MTMR3: variants seen among roughly 807,000 people sequenced by gnomAD.
MTMR3 encodes the protein myotubularin related protein 3.
MTMR3 carries 32 observed loss-of-function variants against 132.4 expected under a neutral mutation model. That is an observed-to-expected ratio of 0.24 (90% CI 0.18 to 0.32). MTMR3 has a LOEUF of 0.32. Among genes scored for constraint, MTMR3 ranks in the 10% least tolerant of loss-of-function variants. The pLI is 1.00. For synonymous variants in MTMR3, 556 were observed against 550.3 expected, an observed-to-expected ratio of 1.01 and a Z score of -0.14; for missense variants, 1,216 against 1,489.6, an observed-to-expected ratio of 0.82 and a Z score of 3.02.
intron 14 of MTMR3, 103 bp from the exon 15 acceptor site, chr22:30,016,425 T>C (rs1384261689): frequency 9.9e-6 from 13 of 1,317,766 alleles, no homozygotes; most frequent in Non-Finnish European, 1.4e-5. Context: ...CAGAGTAAAT[T>C]GAAGTGTTCT....
intron 1 of MTMR3, among the ~76,000 whole-genome samples, chr22:29,883,690 C>T (rs1001233397): frequency 6.6e-6 from 1 of 152,172 alleles, no homozygotes; most frequent in African/African-American, 2.4e-5. Context: ...GTGGGACGTA[C>T]CCTCGGAGCG....
chr22:29,924,154 C>T (rs2065472152), intron 1 of MTMR3, among the ~76,000 whole-genome samples: 1 of 152,104 alleles, frequency 6.6e-6, no homozygotes. Context: ...AAGAGTCTTA[C>T]AGTTTTAGCT....
intron 1 of MTMR3, among the ~76,000 whole-genome samples, chr22:29,903,294 TC>T (rs2065034818): frequency 6.6e-6 from 1 of 152,160 alleles, no homozygotes; most frequent in Admixed American, 6.6e-5. Context: ...TTTTTGAGGT[TC>T]CAGTTCCAAC....
rs769743475 is a variant in MTMR3, at chr22:30,016,696, G to A, written c.1672G>A (p.Ala558Thr). The A allele has an allele frequency of 1.1e-4, 174 of 1,611,978 alleles. No homozygotes were observed. Among genetic ancestry groups the A allele is most frequent in the Middle Eastern group, 3.3e-4 (2 of 6,076 alleles). The change falls in exon 15 of 20, where the codon GCC becomes ACC. Residue 558 changes from alanine to threonine, a missense_variant and splice_region_variant. Ala to Thr is a moderately conservative substitution (Grantham distance 58). Transcript: ENST00000401950. ...KNLLYSSQSE[A>T]VLYPVCHVRN... is the part of the protein sequence containing the mutation. ...CCTACTGTATTCCTCTCAGTCAGAA[G>A]CCGTATGTATCCTTCAGCCTTTCCA...
intron 5 of MTMR3, chr22:29,982,591 A>G (rs573527407): frequency 6.6e-6 from 1 of 152,312 alleles, no homozygotes; most frequent in East Asian, 1.9e-4. Context: ...TGTATGCTTA[A>G]ATCAAAATAC....
intron 5 of MTMR3, chr22:29,981,253 T>C (rs1381840234): frequency 1.3e-5 from 2 of 152,214 alleles, no homozygotes; most frequent in Non-Finnish European, 2.9e-5. Flanking sequence ...GAATTGAAGT[T>C]AATGTGGGTT....
intron 1 of MTMR3, among the ~76,000 whole-genome samples, chr22:29,953,087 A>G (rs529951371): frequency 5.8e-4 from 88 of 152,320 alleles, no homozygotes; most frequent in Non-Finnish European, 8.7e-4. Context: ...AAAAAAATCT[A>G]TTTTAACAGC....
In MTMR3 at chr22:30,029,398, G is replaced by GCTAA. The variant is rs1208555404; in HGVS notation, c.*3600_*3603dup. 6.6e-6 allele frequency: 1 copy of GCTAA among 152,292 alleles called. No individual in the cohort carries two copies. The highest frequency in any genetic ancestry group is 2.4e-5 in the African/African-American group (1 of 41,416). The allele number at this position is 152,292 out of a possible 1,614,324, so 9.4% of individuals were successfully genotyped here. ...TTTCCTGTAATAATTTTGCTTATATGCTAACTCTTTTCATGTTAGCAAAGA... is the reference window on the plus strand; with the variant it reads ...TTTCCTGTAATAATTTTGCTTATATGCTAACTAACTCTTTTCATGTTAGCAAAGA... On this transcript the variant is annotated 3_prime_UTR_variant, in exon 20 of 20. Transcript: ENST00000401950.
intron 1 of MTMR3, among the ~76,000 whole-genome samples, chr22:29,918,842 A>ATAT (rs1396121363): frequency 3.3e-5 from 5 of 152,204 alleles, no homozygotes; most frequent in African/African-American, 1.2e-4. Context: ...GAAGGACAAA[A>ATAT]TATTATTTGC....
chr22:30,021,749 A>G (rs560752783), intron 17 of MTMR3: 135 of 384,586 alleles, frequency 3.5e-4, no homozygotes, highest in African/African-American at 2.5e-3. Context: ...TTCTCATTCC[A>G]TTTTGGTCAC....
At chr22:29,912,572 C>T (rs953195021) in intron 1 of MTMR3, among the ~76,000 whole-genome samples, 1 of 152,220 alleles carries the variant, frequency 6.6e-6, no homozygotes, top group African/African-American at 2.4e-5. Context: ...GGCCACCAAA[C>T]CTGGCCTTGT....
Position 30,002,929 on chromosome 22 carries a change from G to A in MTMR3, c.607G>A (p.Asp203Asn). 1 of 1,613,972 alleles carries A rather than the reference G, an allele frequency of 6.2e-7. No individual in the cohort carries two copies. The highest frequency in any genetic ancestry group is 1.1e-5 in the South Asian group (1 of 91,052). The stretch of plus-strand genomic sequence containing the variant: ...GCTCATAGTGCCTGCCTGGATCACT[G>A]ACAAAGAACTGGAAAGTGTATCAAG... ...QELIVPAWIT[D>N]KELESVSSFR... Residue 203 changes from aspartate to asparagine, a missense_variant, in exon 9 of 20, where the codon GAC (aspartate) becomes AAC (asparagine). Asp to Asn is a conservative substitution (Grantham distance 23, BLOSUM62 1). This residue lies in a region of MTMR3 where 129 missense variants were observed against 245.7 expected (regional missense o/e 0.53). Coordinates refer to ENST00000401950, the MANE Select transcript of MTMR3 (RefSeq NM_021090.4).
At chr22:29,979,384 C>A in intron 5 of MTMR3, 1 of 230,008 alleles carries the variant, frequency 4.3e-6, no homozygotes, top group East Asian at 1.3e-4. Flanking sequence ...CCCAGCTACT[C>A]AGGAGGCTGA....
Position 29,974,376 on chromosome 22 carries a change from C to G in MTMR3, c.3+3314C>G, listed in dbSNP as rs997872517. Among the ~76,000 whole-genome samples the G allele has an allele frequency of 1.1e-4, 17 of 152,188 alleles. 3 individuals are homozygous for G. Among genetic ancestry groups the G allele is most frequent in the Admixed American group, 1.1e-3 (17 of 15,280 alleles). On this transcript the variant is annotated intron_variant, in intron 3 of 19. Transcript: ENST00000401950. The stretch of plus-strand genomic sequence containing the variant: ...CACCAGTCCCCTAGATTCAATGAAT[C>G]CTAATGTTACGTCCTTGGGGATTAA...
chr22:30,003,271 A>G (rs1293581694), intron 9 of MTMR3: 2 of 277,764 alleles, frequency 7.2e-6, no homozygotes, highest in African/African-American at 4.3e-5. Context: ...ACATTCTGTG[A>G]GAAGATAATG....
chr22:29,959,745 T>C (rs1400875215), intron 2 of MTMR3, among the ~76,000 whole-genome samples: 1 of 150,370 alleles, frequency 6.7e-6, no homozygotes, highest in Non-Finnish European at 1.5e-5. Context: ...TAATGTAAAT[T>C]TGTAAAAGTG....
intron 13 of MTMR3, 136 bp downstream of exon 13, chr22:30,012,699 C>T: frequency 1.1e-6 from 1 of 940,780 alleles, no homozygotes; most frequent in South Asian, 2.0e-5. Flanking sequence ...TCCTTTATGC[C>T]ATGAGCTAAA....
At chr22:30,013,672 C>CT (rs368821367) in intron 14 of MTMR3, 131 bp downstream of exon 14, 11,072 of 731,578 alleles carry the variant, frequency 0.015, no homozygotes, top group Middle Eastern at 0.022. Flanking sequence ...CCTGTTTCTG[C>CT]TTTTTTTTTT....
chr22:29,974,367 T>G (rs1211248977), intron 3 of MTMR3, among the ~76,000 whole-genome samples: 1 of 152,218 alleles, frequency 6.6e-6, no homozygotes, highest in Non-Finnish European at 1.5e-5. Context: ...TCCCCTAGAT[T>G]CAATGAATCC....
Sources: allele counts gnomAD v4.1 joint callset (sites outside exome capture counted in the v4.1 genomes callset), GRCh38; gene constraint gnomAD v4.1.1; regional missense constraint gnomAD v4.1.1; transcripts MANE v1.5; gene names NCBI Gene and HGNC (gene_info 2026-07-23, HGNC 2026-07-21).